The following ACYP2 variants were observed in gnomAD, a reference collection of about 807,000 sequenced individuals.
The protein encoded by ACYP2 is acylphosphatase 2, also known as acylphosphatase-2.
Under a neutral mutation model 11.2 loss-of-function variants are expected in ACYP2, and 12 were observed. The observed-to-expected ratio is 1.08, with a 90% CI of 0.69 to 1.74. The LOEUF (loss-of-function observed/expected upper bound fraction) is 1.74. Among genes scored for constraint, ACYP2 ranks in the 40% most tolerant of loss-of-function variants. The pLI is 0.00. For missense variants in ACYP2, 134 were observed against 101.9 expected (o/e 1.31, Z -1.35); for synonymous variants, 43 against 32.2 (o/e 1.33, Z -1.13).
chr2:54,297,115 G>GTT (rs201846120), intron 6 of ACYP2, among the ~76,000 whole-genome samples: 109 of 145,660 alleles, frequency 7.5e-4, no homozygotes, highest in African/African-American at 2.2e-3. Flanking sequence ...CACTTTTCCT[G>GTT]TTTTTTTTTT....
At chr2:54,040,804 A>G (rs1476983386) in intron 2 of ACYP2, among the ~76,000 whole-genome samples, 1 of 152,188 alleles carries the variant, frequency 6.6e-6, no homozygotes, top group African/African-American at 2.4e-5. Context: ...ATAACTGACT[A>G]TATTAGGTTT....
At chr2:54,255,672 G>C (rs774203944) in intron 6 of ACYP2, 15 of 1,613,588 alleles carry the variant, frequency 9.3e-6, no homozygotes, top group African/African-American at 1.3e-5. Context: ...CATCCACTGG[G>C]GCTGAGAACA....
chr2:54,054,885 G>C (rs947644533), intron 3 of ACYP2, among the ~76,000 whole-genome samples: 1 of 152,122 alleles, frequency 6.6e-6, no homozygotes, highest in Non-Finnish European at 1.5e-5. Context: ...AGAAAGCCAG[G>C]CTAAATAAAT....
chr2:54,121,635 G>A (rs1680163650), intron 4 of ACYP2, among the ~76,000 whole-genome samples: 1 of 152,222 alleles, frequency 6.6e-6, no homozygotes, highest in Non-Finnish European at 1.5e-5. Context: ...TTTAGAGGTT[G>A]AAAATATTAA....
intron 6 of ACYP2, among the ~76,000 whole-genome samples, chr2:54,208,440 G>A (rs1439519687): frequency 6.6e-6 from 1 of 152,074 alleles, no homozygotes; most frequent in Non-Finnish European, 1.5e-5. Context: ...GGGAGCCGGG[G>A]GTGCAGGGGG....
At chr2:54,027,216 G>T (rs552135152) in intron 2 of ACYP2, among the ~76,000 whole-genome samples, 1 of 152,150 alleles carries the variant, frequency 6.6e-6, no homozygotes, top group Non-Finnish European at 1.5e-5. Context: ...GGGTCTCTTT[G>T]ACCTTCTCTT....
intron 6 of ACYP2, among the ~76,000 whole-genome samples, chr2:54,290,917 A>G (rs1045229752): frequency 1.3e-5 from 2 of 152,220 alleles, no homozygotes; most frequent in Admixed American, 6.5e-5. Context: ...CATTGAATTC[A>G]AAATCTAGGC....
intron 3 of ACYP2, among the ~76,000 whole-genome samples, chr2:54,053,847 A>G (rs7558126): frequency 0.38 from 58,024 of 152,128 alleles, 11,775 homozygotes; most frequent in East Asian, 0.72. Context: ...TTAAATTACT[A>G]TGTGGTTTTT....
At chr2:54,074,415 CAAT>C (rs770432228) in intron 4 of ACYP2, among the ~76,000 whole-genome samples, 3 of 152,002 alleles carry the variant, frequency 2.0e-5, no homozygotes, top group Non-Finnish European at 4.4e-5. Flanking sequence ...CTGGACAATA[CAAT>C]GAGACCTCAT....
intron 4 of ACYP2, among the ~76,000 whole-genome samples, chr2:54,117,018 C>G (rs905314425): frequency 1.3e-5 from 2 of 152,096 alleles, no homozygotes; most frequent in African/African-American, 2.4e-5. Flanking sequence ...AGGTGAACTA[C>G]TGATTAGAAC....
intron 6 of ACYP2, among the ~76,000 whole-genome samples, chr2:54,288,330 A>T (rs1474530665): frequency 6.6e-6 from 1 of 151,984 alleles, no homozygotes; most frequent in Non-Finnish European, 1.5e-5. Flanking sequence ...CTATAGCCTC[A>T]TTAACTTGTC....
intron 6 of ACYP2, among the ~76,000 whole-genome samples, chr2:54,230,614 C>G (rs1686192177): frequency 6.6e-6 from 1 of 152,014 alleles, no homozygotes; most frequent in African/African-American, 2.4e-5. Context: ...GATTTGCCCA[C>G]CTCGGCCTCC....
In ACYP2 at chr2:54,096,844, C is replaced by T. The variant is rs1000340109; in HGVS notation, c.278-38609C>T. Among the ~76,000 whole-genome samples, 11 of 151,870 alleles carry T rather than the reference C, an allele frequency of 7.2e-5. 1 individual carries two copies. Among genetic ancestry groups the T allele is most frequent in the African/African-American group, 1.7e-4 (7 of 41,432 alleles). Reference sequence around the variant, plus strand: ...CGTGGAAAGAGAGGGAGAGGGAGACCGTGGGGAGAGGGAGAGGGGGAGGGG... The same window carrying T: ...CGTGGAAAGAGAGGGAGAGGGAGACTGTGGGGAGAGGGAGAGGGGGAGGGG... On this transcript the variant is annotated intron_variant, in intron 4 of 6. Coordinates refer to ENST00000607452, the MANE Select transcript of ACYP2 (RefSeq NM_001320586.2).
At chr2:54,251,812 C>A (rs529260116) in intron 6 of ACYP2, among the ~76,000 whole-genome samples, 45 of 152,180 alleles carry the variant, frequency 3.0e-4, no homozygotes, top group Non-Finnish European at 4.6e-4. Context: ...AGAGATGTCT[C>A]CCTTCAAAGC....
intron 3 of ACYP2, among the ~76,000 whole-genome samples, chr2:54,054,434 G>C (rs772425451): frequency 6.6e-6 from 1 of 152,224 alleles, no homozygotes; most frequent in Non-Finnish European, 1.5e-5. Flanking sequence ...GAAGTTCGAA[G>C]TCCTTGTGAT....
intron 4 of ACYP2, among the ~76,000 whole-genome samples, chr2:54,076,667 T>C (rs945402328): frequency 1.3e-5 from 2 of 152,260 alleles, no homozygotes; most frequent in East Asian, 1.9e-4. Flanking sequence ...CCAGAGTGTT[T>C]TGGAGAAGGA....
At chr2:54,132,644 G>A (rs929680332) in intron 4 of ACYP2, among the ~76,000 whole-genome samples, 2 of 151,938 alleles carry the variant, frequency 1.3e-5, no homozygotes, top group Non-Finnish European at 2.9e-5. Context: ...TGATCCATCC[G>A]CTGTGACTTC....
intron 6 of ACYP2, among the ~76,000 whole-genome samples, chr2:54,237,220 T>C (rs1393094063): frequency 6.6e-6 from 1 of 152,234 alleles, no homozygotes; most frequent in East Asian, 1.9e-4. Context: ...CCCACATGGA[T>C]ACCTGAAGGC....
intron 2 of ACYP2, among the ~76,000 whole-genome samples, chr2:54,003,248 G>A (rs188915915): frequency 6.0e-5 from 9 of 150,182 alleles, no homozygotes; most frequent in South Asian, 4.2e-4. Context: ...GCGCCCAGCC[G>A]AGCTCGCTTA....
Sources: gnomAD v4.1 joint callset for allele counts (sites outside exome capture counted in the v4.1 genomes callset) on GRCh38, gnomAD v4.1.1 for gene constraint, MANE v1.5 for transcripts, NCBI Gene and HGNC (gene_info 2026-07-23, HGNC 2026-07-21) for gene names.